Variants in TGFBRAP1 observed in about 807,000 individuals in gnomAD.
TGFBRAP1 encodes transforming growth factor beta receptor associated protein 1.
In TGFBRAP1, 20 loss-of-function variants were observed where a neutral mutation model predicts 83.2. The ratio of observed to expected loss-of-function variants is 0.24; its 90% CI spans 0.17 to 0.35. TGFBRAP1 has a LOEUF of 0.35. TGFBRAP1 is among the 10% of genes least tolerant of loss of function. The probability of loss-of-function intolerance (pLI) is 1.00; values close to 1 mark genes in which losing one functional copy is unlikely to be tolerated. For missense variants in TGFBRAP1, 950 were observed against 1,099.4 expected, an observed-to-expected ratio of 0.86 and a Z score of 1.92; for synonymous variants, 415 against 459.8, an observed-to-expected ratio of 0.90 and a Z score of 1.25.
Position 105,319,678 on chromosome 2 carries a change from G to A in TGFBRAP1, c.-18+9947C>T, listed in dbSNP as rs1410172876. Among the ~76,000 whole-genome samples the A allele has an allele frequency of 7.1e-5, 9 of 126,578 alleles. 1 individual carries two copies. The highest frequency in any genetic ancestry group is 2.4e-4 in the African/African-American group (8 of 33,306). The allele number at this position is 126,578 out of a possible 152,430, so 83.0% of individuals were successfully genotyped here. On this transcript the variant is annotated intron_variant, in intron 1 of 11. Transcript: ENST00000393359. ...CTGCACTCCAGCCTGGGCAACAAGA[G>A]CAAAACTCTCTCAAAAAAAAAAAAA...
intron 6 of TGFBRAP1, 76 bp downstream of exon 6, chr2:105,280,306 A>G (rs1677490728): frequency 6.8e-7 from 1 of 1,478,888 alleles, no homozygotes; most frequent in Non-Finnish European, 9.2e-7. Context: ...TCACTTCACG[A>G]GGATCTCCCC....
At chr2:105,256,974 C>T in the TGFBRAP1 span, among the ~76,000 whole-genome samples, 3 of 152,294 alleles carry the variant, frequency 2.0e-5, no homozygotes, top group African/African-American at 2.4e-5. Flanking sequence ...GCCATGGCAA[C>T]GTCAGGAAGT....
chr2:105,290,963 C>T (rs151338100), intron 4 of TGFBRAP1, among the ~76,000 whole-genome samples: 3 of 152,120 alleles, frequency 2.0e-5, no homozygotes, highest in Admixed American at 6.5e-5. Context: ...TGCGAGATTG[C>T]GCCACTGCAC....
intron 4 of TGFBRAP1, among the ~76,000 whole-genome samples, chr2:105,295,266 A>G (rs1678044138): frequency 6.6e-6 from 1 of 152,204 alleles, no homozygotes; most frequent in Non-Finnish European, 1.5e-5. Context: ...GAGGCCAAAG[A>G]ACATATCATT....
chr2:105,326,842 T>C (rs544129697), intron 1 of TGFBRAP1, among the ~76,000 whole-genome samples: 1 of 152,374 alleles, frequency 6.6e-6, no homozygotes, highest in African/African-American at 2.4e-5. Flanking sequence ...CAGCAGTTAC[T>C]TGACTATCAA....
intron 1 of TGFBRAP1, among the ~76,000 whole-genome samples, chr2:105,318,757 T>C (rs1480152379): frequency 2.0e-5 from 3 of 152,290 alleles, no homozygotes; most frequent in Non-Finnish European, 4.4e-5. Context: ...AAACATACCC[T>C]AGAAGGTAAA....
chr2:105,284,354 A>G lies in TGFBRAP1; in HGVS notation c.1083T>C (p.Phe361=), dbSNP rs933708882. ...TAGCTTCCAGGAACTGAAGTTGTGC[A>G]AACTGTATAAATCCCGCCTGCTGCA... ...RILQQAGFIQ[F]AQLQFLEAKE... is the part of the protein sequence containing the mutation. The change falls in exon 5 of 12, where the codon TTT becomes TTC. Residue 361 remains phenylalanine, a synonymous_variant. Transcript: ENST00000393359. The G allele has an allele frequency of 5.0e-6, 8 of 1,613,978 alleles. No homozygotes were observed. Among genetic ancestry groups the G allele is most frequent in the African/African-American group, 4.0e-5 (3 of 74,930 alleles).
intron 1 of TGFBRAP1, among the ~76,000 whole-genome samples, chr2:105,316,404 T>C (rs1235731420): frequency 1.4e-5 from 2 of 147,302 alleles, no homozygotes; most frequent in East Asian, 2.0e-4. Flanking sequence ...CAATACAAAC[T>C]CTTACAGGTA....
At chr2:105,267,850 C>T (rs929592103) in intron 11 of TGFBRAP1, 22 of 985,330 alleles carry the variant, frequency 2.2e-5, no homozygotes, top group Non-Finnish European at 2.5e-5. Flanking sequence ...CATTCTCTGG[C>T]TCTGATCATT....
intron 1 of TGFBRAP1, among the ~76,000 whole-genome samples, chr2:105,319,164 G>A (rs1414920545): frequency 6.6e-6 from 1 of 151,952 alleles, no homozygotes; most frequent in East Asian, 2.0e-4. Context: ...AGGTTCAAGC[G>A]ATTCTCGTGC....
chr2:105,272,275 C>T (rs977038810), intron 10 of TGFBRAP1, among the ~76,000 whole-genome samples: 1 of 152,216 alleles, frequency 6.6e-6, no homozygotes, highest in Non-Finnish European at 1.5e-5. Context: ...CTCCAAGACA[C>T]CTGCATAACC....
the TGFBRAP1 span, among the ~76,000 whole-genome samples, chr2:105,253,129 G>GT: frequency 6.6e-6 from 1 of 151,570 alleles, no homozygotes; most frequent in Non-Finnish European, 1.5e-5. Flanking sequence ...ATGCCCCTTA[G>GT]TTTTTTGTTT....
chr2:105,267,738 T>C (rs1287496403), intron 11 of TGFBRAP1, 179 bp from the exon 12 acceptor site: 1 of 985,326 alleles, frequency 1.0e-6, no homozygotes, highest in Admixed American at 6.1e-5. Context: ...CCATCCTTAG[T>C]AACTGGACAA....
In TGFBRAP1 at chr2:105,307,624, G is replaced by C. The variant is rs148001123; in HGVS notation, c.678C>G (p.Pro226=). Residue 226 remains proline (P), a synonymous_variant, in exon 2 of 12, where the codon CCC becomes CCG. Transcript: ENST00000393359. ...IGRQEFLLAG[P]GGLGMFATVA... ...ATGCATCCTCCTCACCCAGCCCTCC[G>C]GGGCCCGCCAGCAGGAACTCCTGTC... is the stretch of plus-strand genomic sequence containing the variant. 5.5e-5 allele frequency: 89 copies of C among 1,610,202 alleles called. No individual in the cohort carries two copies. In the African/African-American group the frequency reaches 1.0e-3, roughly 18 times the overall value.
intron 5 of TGFBRAP1, among the ~76,000 whole-genome samples, chr2:105,283,363 C>T (rs771999933): frequency 1.3e-5 from 2 of 152,154 alleles, no homozygotes; most frequent in African/African-American, 2.4e-5. Flanking sequence ...TTAGAGCCAC[C>T]GTGGATGTAA....
intron 2 of TGFBRAP1, among the ~76,000 whole-genome samples, chr2:105,300,310 TAAG>T (rs1262821952): frequency 6.6e-6 from 1 of 152,098 alleles, no homozygotes; most frequent in Non-Finnish European, 1.5e-5. Context: ...GAACAAAACT[TAAG>T]AAGGTTGGTT....
chr2:105,311,673 C>T (rs894698846), intron 1 of TGFBRAP1, among the ~76,000 whole-genome samples: 3 of 151,920 alleles, frequency 2.0e-5, no homozygotes, highest in Non-Finnish European at 2.9e-5. Flanking sequence ...CTGAGGCAGG[C>T]GGATCACCTG....
chr2:105,253,426 C>T, the TGFBRAP1 span, among the ~76,000 whole-genome samples: 1 of 152,110 alleles, frequency 6.6e-6, no homozygotes, highest in Non-Finnish European at 1.5e-5. Context: ...AGCCACCGCG[C>T]CTGGCCTTGT....
At chr2:105,290,517 A>G (rs972875284) in intron 4 of TGFBRAP1, among the ~76,000 whole-genome samples, 3 of 151,344 alleles carry the variant, frequency 2.0e-5, no homozygotes, top group African/African-American at 7.3e-5. Flanking sequence ...CTAATGTGCT[A>G]TTTTTCTTGA....
Sources: allele counts gnomAD v4.1 joint callset (sites outside exome capture counted in the v4.1 genomes callset), GRCh38; gene constraint gnomAD v4.1.1; transcripts MANE v1.5; gene names NCBI Gene and HGNC (gene_info 2026-07-23, HGNC 2026-07-21).